AGAP1: variants seen among roughly 807,000 people sequenced by gnomAD.
AGAP1 encodes the protein ArfGAP with GTPase domain, ankyrin repeat and PH domain 1, also known as arf-GAP with GTPase, ANK repeat and PH domain-containing protein 1.
Under a neutral mutation model 105.3 loss-of-function variants are expected in AGAP1, and 29 were observed. That is an observed-to-expected ratio of 0.28 (90% CI 0.21 to 0.38). The LOEUF (loss-of-function observed/expected upper bound fraction) is 0.38. Among genes scored for constraint, AGAP1 ranks in the 10% least tolerant of loss-of-function variants. The pLI is 1.00. For missense variants in AGAP1, 998 were observed against 1,165.1 expected, an observed-to-expected ratio of 0.86 and a Z score of 2.09; for synonymous variants, 509 against 485.9, an observed-to-expected ratio of 1.05 and a Z score of -0.63.
chr2:236,059,161 T>TAAA (rs3030746), intron 16 of AGAP1, among the ~76,000 whole-genome samples: 3 of 143,900 alleles, frequency 2.1e-5, no homozygotes, highest in African/African-American at 7.6e-5. Flanking sequence ...ACCGTATCTT[T>TAAA]AAAAAAAAAA....
intron 1 of AGAP1, among the ~76,000 whole-genome samples, chr2:235,656,418 C>T (rs1559318602): frequency 6.6e-6 from 1 of 152,184 alleles, no homozygotes; most frequent in Non-Finnish European, 1.5e-5. Flanking sequence ...TACTTCTAAA[C>T]TTAACTTTCT....
intron 12 of AGAP1, among the ~76,000 whole-genome samples, chr2:235,935,946 C>A (rs1204662789): frequency 1.3e-5 from 2 of 152,190 alleles, no homozygotes; most frequent in Non-Finnish European, 2.9e-5. Flanking sequence ...ACCTGCCTGC[C>A]TGCCTCCTGA....
chr2:235,781,816 T>C (rs1360745155), intron 6 of AGAP1, among the ~76,000 whole-genome samples: 1 of 152,178 alleles, frequency 6.6e-6, no homozygotes, highest in African/African-American at 2.4e-5. Flanking sequence ...GGAGGGACTT[T>C]TTTTTTTATG....
At chr2:235,914,635 A>T (rs2051784287) in intron 11 of AGAP1, among the ~76,000 whole-genome samples, 2 of 152,172 alleles carry the variant, frequency 1.3e-5, no homozygotes, top group Admixed American at 1.3e-4. Context: ...CTTGGGAGAG[A>T]GGAAGAAACA....
chr2:235,851,603 A>T (rs1011258362), intron 9 of AGAP1, among the ~76,000 whole-genome samples: 5 of 152,018 alleles, frequency 3.3e-5, no homozygotes, highest in African/African-American at 1.2e-4. Context: ...GAGCGCCAGG[A>T]TGCCCGCGGC....
Position 235,648,319 on chromosome 2 carries a change from T to C in AGAP1, c.164-60860T>C, listed in dbSNP as rs370247725. Among the ~76,000 whole-genome samples, 443 of 152,292 alleles carry C rather than the reference T, an allele frequency of 2.9e-3. 2 individuals carry two copies. The highest frequency in any genetic ancestry group is 9.6e-3 in the African/African-American group (398 of 41,574). On this transcript the variant is annotated intron_variant, in intron 1 of 17. Transcript: ENST00000304032. ...TGTGAAAGTGCAGCAGTGCACTCTG[T>C]CCCTGCAACAGGCTCTGCGGTGGGC... is the stretch of plus-strand genomic sequence containing the variant.
At position 236,020,789 on chromosome 2, in the gene AGAP1, C is replaced by T. The variant is rs1317392066; in HGVS notation, c.1646-15772C>T. On this transcript the variant is annotated intron_variant, in intron 13 of 17. Transcript: ENST00000304032. The surrounding 1 kb of genome is among the most constrained non-coding windows in gnomAD (Gnocchi z 5.0). ...CCATGGAGAATATCTGTGGACTATT[C>T]AGTAGGCCTTTTTAATGTATCGGTA... Among the ~76,000 whole-genome samples the T allele has an allele frequency of 6.6e-6, 1 of 152,172 alleles. No homozygotes were observed. Among genetic ancestry groups the T allele is most frequent in the Admixed American group, 6.5e-5 (1 of 15,280 alleles).
At chr2:235,766,255 C>T (rs1335327547) in intron 6 of AGAP1, among the ~76,000 whole-genome samples, 1 of 152,140 alleles carries the variant, frequency 6.6e-6, no homozygotes, top group African/African-American at 2.4e-5. Context: ...AATAAAAATT[C>T]ACAGAGCGTT....
In AGAP1 at chr2:235,734,321, C is replaced by T. The variant is rs1952115758; in HGVS notation, c.311-6642C>T. ...TGCCAGCCATGCTCCTCCTGTCTTT[C>T]TCCCTTCCAGTCTGAACCCCACAGC... On this transcript the variant is annotated intron_variant, in intron 3 of 17. Coordinates refer to ENST00000304032, the MANE Select transcript of AGAP1 (RefSeq NM_001037131.3). This position sits in a 1 kb window ranked among gnomAD's most constrained non-coding sequence, Gnocchi z 5.3. Among the ~76,000 whole-genome samples, 2 of 152,306 alleles carry T rather than the reference C, an allele frequency of 1.3e-5. No individual in the cohort carries two copies. The highest frequency in any genetic ancestry group is 4.8e-5 in the African/African-American group (2 of 41,574).
chr2:235,656,944 A>G (rs772732595), intron 1 of AGAP1, among the ~76,000 whole-genome samples: 20 of 152,322 alleles, frequency 1.3e-4, no homozygotes, highest in Non-Finnish European at 2.2e-4. Context: ...AATCACATGG[A>G]TTATGATTTA....
At chr2:235,902,142 AT>A (rs1326819980) in intron 10 of AGAP1, among the ~76,000 whole-genome samples, 1 of 152,178 alleles carries the variant, frequency 6.6e-6, no homozygotes, top group Non-Finnish European at 1.5e-5. Context: ...AGACAGCTGG[AT>A]TCTCGTATCT....
rs149552154 is a variant in AGAP1 at position 236,111,306 on chromosome 2, G to A, written c.2115-8886G>A. ...AGCTACTCAGGAGGCTGAGGTGGGA[G>A]GATTGCTTGAATCCCAACCTGGACA... On this transcript the variant is annotated intron_variant, in intron 16 of 17. Transcript: ENST00000304032. Among the ~76,000 whole-genome samples the A allele has an allele frequency of 2.8e-3, 422 of 152,158 alleles. 3 individuals carry two copies. The highest frequency in any genetic ancestry group is 9.9e-3 in the African/African-American group (410 of 41,518).
intron 1 of AGAP1, among the ~76,000 whole-genome samples, chr2:235,667,309 C>T (rs946594107): frequency 1.3e-5 from 2 of 152,086 alleles, no homozygotes; most frequent in Admixed American, 6.5e-5. Context: ...AATAGAAAAC[C>T]GAGTAAGTCT....
At chr2:235,651,998 C>T (rs1947610890) in intron 1 of AGAP1, among the ~76,000 whole-genome samples, 1 of 152,138 alleles carries the variant, frequency 6.6e-6, no homozygotes, top group Admixed American at 6.5e-5. Context: ...TGGGGCACCC[C>T]TTTTGTTTTT....
rs984655782 is a variant in AGAP1, at chr2:235,883,741, G to A, written c.1155+292G>A. Among the ~76,000 whole-genome samples, 1 of 152,340 alleles carries A rather than the reference G, an allele frequency of 6.6e-6. No individual in the cohort carries two copies. The highest frequency in any genetic ancestry group is 2.4e-5 in the African/African-American group (1 of 41,582). On this transcript the variant is annotated intron_variant, in intron 10 of 17. Transcript: ENST00000304032. The surrounding 1 kb of genome is among the most constrained non-coding windows in gnomAD (Gnocchi z 4.5). ...TTTAGATGAGAGTAAAAAGACAGGG[G>A]CAAGGAGAAAAGAGAAAGGAGAGAA... is the stretch of plus-strand genomic sequence containing the variant.
chr2:235,745,886 G>A (rs968226016), intron 5 of AGAP1, among the ~76,000 whole-genome samples: 1 of 152,192 alleles, frequency 6.6e-6, no homozygotes, highest in African/African-American at 2.4e-5. Context: ...CCAGCACTTT[G>A]GGAGGCCCAG....
At chr2:235,637,781 C>A (rs1282254537) in intron 1 of AGAP1, among the ~76,000 whole-genome samples, 1 of 152,052 alleles carries the variant, frequency 6.6e-6, no homozygotes, top group African/African-American at 2.4e-5. Context: ...TTATGGAGGT[C>A]CAGAAGCCTC....
chr2:235,654,294 A>T (rs1462077724), intron 1 of AGAP1, among the ~76,000 whole-genome samples: 1 of 152,170 alleles, frequency 6.6e-6, no homozygotes, highest in Non-Finnish European at 1.5e-5. Context: ...GGCATGTGAC[A>T]TCTTTGACAG....
chr2:235,727,939 C>T (rs115497985), intron 3 of AGAP1, among the ~76,000 whole-genome samples: 3 of 152,286 alleles, frequency 2.0e-5, no homozygotes, highest in African/African-American at 4.8e-5. Flanking sequence ...ATTGACACTT[C>T]AGAGAAGGCC....
Sources: allele counts gnomAD v4.1 joint callset (sites outside exome capture counted in the v4.1 genomes callset), GRCh38; gene constraint gnomAD v4.1.1; non-coding constraint Gnocchi (gnomAD v3.1); transcripts MANE v1.5; gene names NCBI Gene and HGNC (gene_info 2026-07-23, HGNC 2026-07-21).